Variants in LOC400499 observed in about 807,000 individuals in gnomAD.
the LOC400499 span, chr16:11,398,205 C>T: frequency 9.8e-6 from 6 of 615,326 alleles, no homozygotes; most frequent in Non-Finnish European, 1.2e-5. Flanking sequence ...CCCAGTCACC[C>T]AGCAGGCAAA....
At chr16:11,521,397 A>T in the LOC400499 span, among the ~76,000 whole-genome samples, 2 of 152,190 alleles carry the variant, frequency 1.3e-5, no homozygotes, top group Non-Finnish European at 2.9e-5. Context: ...AGAAAATCTC[A>T]ATGAAAAGAA....
chr16:11,391,530 C>T, the LOC400499 span: 3 of 687,042 alleles, frequency 4.4e-6, no homozygotes, highest in Non-Finnish European at 2.0e-6. Context: ...CACAGCTGGG[C>T]TACAGGCCCA....
chr16:11,400,267 C>T, the LOC400499 span, among the ~76,000 whole-genome samples: 1 of 151,928 alleles, frequency 6.6e-6, no homozygotes. Flanking sequence ...CTCATTCCCA[C>T]CACAGGGCCT....
the LOC400499 span, among the ~76,000 whole-genome samples, chr16:11,374,832 T>G: frequency 6.6e-6 from 1 of 152,140 alleles, no homozygotes; most frequent in Non-Finnish European, 1.5e-5. Context: ...TACCCAGAAG[T>G]AGAATTGCTG....
chr16:11,482,534 G>C, the LOC400499 span, among the ~76,000 whole-genome samples: 2 of 152,156 alleles, frequency 1.3e-5, no homozygotes, highest in South Asian at 2.1e-4. Flanking sequence ...AGACACCATT[G>C]AGAGAACAAA....
At chr16:11,391,657 C>T in the LOC400499 span, 6,511 of 1,232,104 alleles carry the variant, frequency 5.3e-3, 90 homozygotes, top group Middle Eastern at 0.043. Flanking sequence ...CTCCCCCTCC[C>T]ACACTTACAT....
chr16:11,402,003 T>C, the LOC400499 span: 1 of 399,076 alleles, frequency 2.5e-6, no homozygotes, highest in South Asian at 1.3e-4. Flanking sequence ...AGTTCAGCTC[T>C]GCCCCAGGGT....
At chr16:11,376,653 A>C in the LOC400499 span, among the ~76,000 whole-genome samples, 2 of 152,170 alleles carry the variant, frequency 1.3e-5, no homozygotes, top group East Asian at 1.9e-4. Flanking sequence ...TTTGTTTTCA[A>C]GATTGTTTTG....
chr16:11,463,578 G>A, the LOC400499 span, among the ~76,000 whole-genome samples: 1 of 152,178 alleles, frequency 6.6e-6, no homozygotes, highest in Non-Finnish European at 1.5e-5. Context: ...GTATACGGAT[G>A]TGTAAAGAGG....
the LOC400499 span, among the ~76,000 whole-genome samples, chr16:11,416,276 C>A: frequency 0.047 from 7,095 of 152,180 alleles, 566 homozygotes; most frequent in African/African-American, 0.16. Flanking sequence ...TTGAGGCCAA[C>A]AGAAGGACTC....
At chr16:11,508,898 G>C in the LOC400499 span, 6 of 398,768 alleles carry the variant, frequency 1.5e-5, no homozygotes, top group Non-Finnish European at 2.2e-5. Flanking sequence ...ATGGGGAAAT[G>C]CCAGAGTGAG....
At chr16:11,466,301 T>A in the LOC400499 span, among the ~76,000 whole-genome samples, 3 of 152,344 alleles carry the variant, frequency 2.0e-5, no homozygotes, top group African/African-American at 7.2e-5. Flanking sequence ...GGACAATGTT[T>A]CAGAGCCACA....
chr16:11,445,281 A>G, the LOC400499 span, among the ~76,000 whole-genome samples: 1 of 151,830 alleles, frequency 6.6e-6, no homozygotes, highest in Non-Finnish European at 1.5e-5. Flanking sequence ...ATTAGCCAGG[A>G]GTGGGAATGC....
chr16:11,409,040 C>G, the LOC400499 span, among the ~76,000 whole-genome samples: 8 of 151,786 alleles, frequency 5.3e-5, no homozygotes, highest in African/African-American at 1.9e-4. Flanking sequence ...GTGGGCAGAT[C>G]ATTTGAGGTC....
At chr16:11,526,580 A>G in the LOC400499 span, among the ~76,000 whole-genome samples, 7 of 152,224 alleles carry the variant, frequency 4.6e-5, no homozygotes, top group Non-Finnish European at 8.8e-5. Flanking sequence ...TGGGAAATAA[A>G]TCTCATTAAT....
At chr16:11,452,205 G>GTTTTTTTTTTTTTTTTT in the LOC400499 span, among the ~76,000 whole-genome samples, 1 of 89,792 alleles carries the variant, frequency 1.1e-5, no homozygotes, top group African/African-American at 3.5e-5. Flanking sequence ...TTTTTTGTTT[G>GTTTTTTTTTTTTTTTTT]TTTTTTTTTT....
At chr16:11,431,035 C>A in the LOC400499 span, 1 of 399,116 alleles carries the variant, frequency 2.5e-6, no homozygotes, top group South Asian at 1.3e-4. Flanking sequence ...CAGGCCCTCA[C>A]CCTCTTGAAG....
chr16:11,433,485 T>C, the LOC400499 span, among the ~76,000 whole-genome samples: 3 of 152,170 alleles, frequency 2.0e-5, no homozygotes, highest in Non-Finnish European at 4.4e-5. Flanking sequence ...TGTGATGTAA[T>C]AGGAAATATA....
chr16:11,510,877 G>A, the LOC400499 span, among the ~76,000 whole-genome samples: 4 of 151,622 alleles, frequency 2.6e-5, no homozygotes, highest in African/African-American at 9.7e-5. Context: ...ACTTCAAGGA[G>A]GGATAAAGTC....
Sources: allele counts gnomAD v4.1 joint callset (sites outside exome capture counted in the v4.1 genomes callset), GRCh38; gene constraint gnomAD v4.1.1; transcripts MANE v1.5.